The following CCDC7 variants were observed in gnomAD, a reference collection of about 807,000 sequenced individuals.
CCDC7 encodes the protein coiled-coil domain-containing protein 7.
CCDC7 carries 183 observed loss-of-function variants against 196.9 expected under a neutral mutation model. The ratio of observed to expected loss-of-function variants is 0.93; its 90% CI spans 0.82 to 1.05. CCDC7 has a LOEUF of 1.05. Among genes scored for constraint, CCDC7 ranks in the 50% least tolerant of loss-of-function variants. The pLI is 0.00. For synonymous variants in CCDC7, 525 were observed against 484.6 expected, an observed-to-expected ratio of 1.08 and a Z score of -1.10; for missense variants, 1,540 against 1,482.2, an observed-to-expected ratio of 1.04 and a Z score of -0.64.
At chr10:32,517,519 A>G (rs1318551426) in intron 9 of CCDC7, among the ~76,000 whole-genome samples, 6 of 150,286 alleles carry the variant, frequency 4.0e-5, no homozygotes, top group Non-Finnish European at 7.4e-5. Flanking sequence ...CTTCATCTGT[A>G]TTAAAATCTT....
chr10:32,641,779 G>A (rs1292780212), intron 20 of CCDC7, among the ~76,000 whole-genome samples: 3 of 152,124 alleles, frequency 2.0e-5, no homozygotes, highest in Non-Finnish European at 4.4e-5. Context: ...CCATCTTCGT[G>A]GTTTTATCTA....
chr10:32,759,884 A>G (rs1286295363), intron 28 of CCDC7, among the ~76,000 whole-genome samples: 1 of 152,162 alleles, frequency 6.6e-6, no homozygotes, highest in Non-Finnish European at 1.5e-5. Context: ...CAATGAACTC[A>G]AACAAATTTG....
intron 28 of CCDC7, among the ~76,000 whole-genome samples, chr10:32,741,066 A>C (rs2085757710): frequency 6.6e-6 from 1 of 152,072 alleles, no homozygotes; most frequent in African/African-American, 2.4e-5. Context: ...AGTTCATAGC[A>C]CATAAATGTG....
chr10:32,543,991 C>T (rs1207500723), intron 12 of CCDC7, among the ~76,000 whole-genome samples: 1 of 151,634 alleles, frequency 6.6e-6, no homozygotes, highest in Admixed American at 6.6e-5. Flanking sequence ...AAAAATGACC[C>T]GAGAAGAAAA....
At chr10:32,533,088 G>A (rs1426569773) in intron 11 of CCDC7, among the ~76,000 whole-genome samples, 1 of 151,764 alleles carries the variant, frequency 6.6e-6, no homozygotes, top group African/African-American at 2.4e-5. Flanking sequence ...ATGATAATAT[G>A]TTCTGATTTA....
intron 23 of CCDC7, among the ~76,000 whole-genome samples, chr10:32,690,773 C>T (rs2076990132): frequency 6.6e-6 from 1 of 152,186 alleles, no homozygotes; most frequent in Admixed American, 6.5e-5. Context: ...CCTTAAATGC[C>T]TCAGTTTCCA....
chr10:32,847,006 A>G (rs1276099937), intron 37 of CCDC7, among the ~76,000 whole-genome samples: 2 of 152,158 alleles, frequency 1.3e-5, no homozygotes, highest in African/African-American at 4.8e-5. Context: ...AATTTTCTTT[A>G]TCTCTGGTGT....
intron 28 of CCDC7, among the ~76,000 whole-genome samples, chr10:32,773,716 T>C (rs1287534111): frequency 1.3e-5 from 2 of 152,158 alleles, no homozygotes; most frequent in Non-Finnish European, 2.9e-5. Flanking sequence ...TCTTTTTTGG[T>C]GGTGTCATAT....
intron 21 of CCDC7, among the ~76,000 whole-genome samples, chr10:32,666,468 C>T (rs1228689325): frequency 6.6e-6 from 1 of 151,960 alleles, no homozygotes; most frequent in Non-Finnish European, 1.5e-5. Flanking sequence ...TGTTGGTGTG[C>T]TGCACCCATT....
intron 11 of CCDC7, among the ~76,000 whole-genome samples, chr10:32,540,909 G>GT (rs2051299476): frequency 6.6e-6 from 1 of 152,126 alleles, no homozygotes; most frequent in Non-Finnish European, 1.5e-5. Context: ...GGATTTGAAT[G>GT]TTGTCCTCTC....
At chr10:32,871,967 A>C (rs2094446963) in intron 41 of CCDC7, among the ~76,000 whole-genome samples, 1 of 152,102 alleles carries the variant, frequency 6.6e-6, no homozygotes, top group South Asian at 2.1e-4. Flanking sequence ...TCTGAGAGAC[A>C]GTTTGTTATA....
chr10:32,681,736 T>TACAC (rs1491330656), intron 21 of CCDC7, among the ~76,000 whole-genome samples: 20 of 100,126 alleles, frequency 2.0e-4, no homozygotes, highest in South Asian at 6.8e-4. Context: ...TATTTATATG[T>TACAC]ATACACACAC....
At chr10:32,444,923 G>A (rs2030620164), upstream of CCDC7, among the ~76,000 whole-genome samples, 2 of 150,210 alleles carry the variant, frequency 1.3e-5, no homozygotes, top group South Asian at 2.1e-4. Context: ...GCACAATCTC[G>A]GCTCACTGCA....
intron 14 of CCDC7, 75 bp downstream of exon 15, chr10:32,565,695 A>G (rs1036470249): frequency 8.0e-6 from 12 of 1,504,514 alleles, no homozygotes; most frequent in African/African-American, 5.6e-5. Flanking sequence ...CAAATGAATA[A>G]TTTTTACTTT....
intron 29 of CCDC7, among the ~76,000 whole-genome samples, chr10:32,797,169 ATG>A (rs745549436): frequency 3.4e-5 from 5 of 146,278 alleles, no homozygotes; most frequent in East Asian, 4.2e-4. Flanking sequence ...GTATGTATAT[ATG>A]TGTGTGTGTG....
At chr10:32,863,647 G>A (rs2094091660) in intron 41 of CCDC7, among the ~76,000 whole-genome samples, 1 of 151,842 alleles carries the variant, frequency 6.6e-6, no homozygotes, top group African/African-American at 2.4e-5. Context: ...GTATGCAATG[G>A]GGAAAGAATA....
intron 28 of CCDC7, among the ~76,000 whole-genome samples, chr10:32,739,865 C>CT (rs1202377025): frequency 6.6e-6 from 1 of 151,668 alleles, no homozygotes; most frequent in Non-Finnish European, 1.5e-5. Flanking sequence ...TTTGCCCCCC[C>CT]CCACCAAACT....
At chr10:32,474,210 C>CTTTTTTTTTTTTT (rs71027095) in intron 8 of CCDC7, among the ~76,000 whole-genome samples, 187 bp downstream of exon 9, 1 of 58,956 alleles carries the variant, frequency 1.7e-5, no homozygotes, top group Non-Finnish European at 3.1e-5. Flanking sequence ...AAACTAGATT[C>CTTTTTTTTTTTTT]TTTTTTTTTT....
chr10:32,711,777 C>A, intron 25 of CCDC7, 47 bp downstream of exon 26: 1 of 1,187,962 alleles, frequency 8.4e-7, no homozygotes, highest in Non-Finnish European at 1.2e-6. Context: ...AAGTAAATCT[C>A]AAAAGAACTT....
Sources: gnomAD v4.1 joint callset for allele counts (sites outside exome capture counted in the v4.1 genomes callset) on GRCh38, gnomAD v4.1.1 for gene constraint, MANE v1.5 for transcripts, NCBI Gene and HGNC (gene_info 2026-07-23, HGNC 2026-07-21) for gene names.